The following OXSR1 variants were observed in gnomAD, a reference collection of about 807,000 sequenced individuals.
OXSR1 encodes serine/threonine-protein kinase OSR1.
OXSR1 carries 24 observed loss-of-function variants against 79.8 expected under a neutral mutation model. The ratio of observed to expected loss-of-function variants is 0.30; its 90% CI spans 0.22 to 0.42. The LOEUF is 0.42. Ranked by LOEUF, OXSR1 falls within the 10% of genes least tolerant of loss-of-function variation. The pLI is 1.00. For synonymous variants in OXSR1, 226 were observed against 209.2 expected (o/e 1.08, Z -0.69); for missense variants, 430 against 618.4 (o/e 0.70, Z 3.23).
intron 15 of OXSR1, 110 bp downstream of exon 15, chr3:38,250,128 A>C (rs897511807): frequency 7.9e-5 from 62 of 784,782 alleles, no homozygotes; most frequent in South Asian, 3.2e-5. Flanking sequence ...GGATAATAAA[A>C]ATTTTCCTGG....
At chr3:38,180,489 G>A (rs373692468) in intron 1 of OXSR1, among the ~76,000 whole-genome samples, 2 of 148,036 alleles carry the variant, frequency 1.4e-5, no homozygotes, top group Non-Finnish European at 3.0e-5. Context: ...GCATGTGTCC[G>A]TATTTGCTCC....
At chr3:38,210,559 C>T (rs759931140) in intron 4 of OXSR1, among the ~76,000 whole-genome samples, 24 of 152,050 alleles carry the variant, frequency 1.6e-4, no homozygotes, top group Non-Finnish European at 3.1e-4. Context: ...GTGTATGAGT[C>T]TCCCTTAGAC....
chr3:38,174,351 G>A (rs1198188799), intron 1 of OXSR1, among the ~76,000 whole-genome samples: 3 of 152,146 alleles, frequency 2.0e-5, no homozygotes, highest in South Asian at 2.1e-4. Context: ...GGAGGCGGAG[G>A]CAGGTGGATC....
At chr3:38,246,741 A>T (rs1010756217) in intron 13 of OXSR1, among the ~76,000 whole-genome samples, 7 of 151,426 alleles carry the variant, frequency 4.6e-5, no homozygotes, top group African/African-American at 1.7e-4. Flanking sequence ...ATTAAATCAT[A>T]CTTCATTGAG....
chr3:38,250,032 T>G lies in OXSR1; in HGVS notation c.1375+14T>G, dbSNP rs1301394687. 1 of 1,537,902 alleles carries G rather than the reference T, an allele frequency of 6.5e-7. No individual in the cohort carries two copies. Among genetic ancestry groups the G allele is most frequent in the East Asian group, 2.3e-5 (1 of 44,422 alleles). On this transcript the variant is annotated intron_variant, in intron 15 of 17. Transcript: ENST00000311806. Reference sequence around the variant, plus strand: ...CTCCTGGGAGAGGTGAGGCATCAAATGGATTGAAAACAAAATAGCTTCCAA... The same window carrying G: ...CTCCTGGGAGAGGTGAGGCATCAAAGGGATTGAAAACAAAATAGCTTCCAA...
intron 10 of OXSR1, among the ~76,000 whole-genome samples, chr3:38,232,424 C>A (rs1395508905): frequency 6.6e-6 from 1 of 151,596 alleles, no homozygotes; most frequent in Non-Finnish European, 1.5e-5. Flanking sequence ...TATTTCCACC[C>A]TCCTGCCAAA....
In OXSR1 at chr3:38,230,350, AC is replaced by A; in HGVS notation, c.886-14del. The A allele has an allele frequency of 6.5e-7, 1 of 1,544,558 alleles. No individual in the cohort carries two copies. Among genetic ancestry groups the A allele is most frequent in the Non-Finnish European group, 8.9e-7 (1 of 1,125,380 alleles). ...AAAAACTTGTAAGAACAAAATACTT[AC>A]TTTTCCTCTCCAGAATAAAGAATTT... is the stretch of plus-strand genomic sequence containing the variant. On this transcript the variant is annotated splice_polypyrimidine_tract_variant and intron_variant, in intron 9 of 17. Transcript: ENST00000311806.
chr3:38,179,028 CTT>C (rs35570159), intron 1 of OXSR1, among the ~76,000 whole-genome samples: 10 of 103,540 alleles, frequency 9.7e-5, no homozygotes, highest in African/African-American at 7.1e-5. Flanking sequence ...CCACACCTGG[CTT>C]TTTTTTTTTT....
chr3:38,208,618 C>T (rs1048480879), intron 4 of OXSR1, among the ~76,000 whole-genome samples: 5 of 152,098 alleles, frequency 3.3e-5, no homozygotes, highest in Non-Finnish European at 7.4e-5. Flanking sequence ...TGCTGATATT[C>T]TAGGCCGGGC....
At chr3:38,164,578 G>A (rs1329190556), upstream of OXSR1, among the ~76,000 whole-genome samples, 1 of 152,138 alleles carries the variant, frequency 6.6e-6, no homozygotes, top group African/African-American at 2.4e-5. Context: ...TCAGTCTTCA[G>A]CTCGCTAATT....
At chr3:38,210,430 C>T (rs1470804471) in intron 4 of OXSR1, among the ~76,000 whole-genome samples, 1 of 152,070 alleles carries the variant, frequency 6.6e-6, no homozygotes, top group South Asian at 2.1e-4. Context: ...ATGCTTAGGG[C>T]ATATTTCAAA....
At chr3:38,218,583 A>T (rs1702530129) in intron 5 of OXSR1, among the ~76,000 whole-genome samples, 2 of 151,472 alleles carry the variant, frequency 1.3e-5, no homozygotes, top group Non-Finnish European at 3.0e-5. Flanking sequence ...CCAATCCCTT[A>T]TCAGATGTAT....
rs1296428601 is a variant in OXSR1 at position 38,184,908 on chromosome 3, T to C, written c.183+1793T>C. Among the ~76,000 whole-genome samples, 5 of 29,062 alleles carry C rather than the reference T, an allele frequency of 1.7e-4. No homozygotes were observed. In the East Asian group the frequency reaches 4.4e-3, roughly 26 times the overall value. The allele number at this position is 29,062 out of a possible 152,430, so 19.1% of individuals were successfully genotyped here. A position where few individuals can be genotyped will look rare whatever the true frequency, so the allele number is the denominator to read the frequency against. On this transcript the variant is annotated intron_variant, in intron 2 of 17. Coordinates refer to ENST00000311806, the MANE Select transcript of OXSR1 (RefSeq NM_005109.3). Reference sequence around the variant, plus strand: ...CAAAAGTAGAAAGAACATTTCTTTTTTTTTTTTTTTTTTTTTTTTTTTTTT... The same window carrying C: ...CAAAAGTAGAAAGAACATTTCTTTTCTTTTTTTTTTTTTTTTTTTTTTTTT...
chr3:38,181,586 G>A (rs575795610), intron 1 of OXSR1, among the ~76,000 whole-genome samples: 1 of 152,240 alleles, frequency 6.6e-6, no homozygotes, highest in South Asian at 2.1e-4. Flanking sequence ...GCGATCTCCT[G>A]ACCTCGTGAT....
chr3:38,247,542 T>C, intron 13 of OXSR1, 126 bp from the exon 14 acceptor site: 1 of 627,516 alleles, frequency 1.6e-6, no homozygotes, highest in Non-Finnish European at 2.9e-6. Flanking sequence ...TCCTGGGGAT[T>C]AGTATGACCT....
At chr3:38,199,459 C>G (rs759773475) in intron 4 of OXSR1, among the ~76,000 whole-genome samples, 4 of 152,014 alleles carry the variant, frequency 2.6e-5, no homozygotes, top group Non-Finnish European at 4.4e-5. Context: ...AACTCCTGGC[C>G]TCAAAGCGAT....
chr3:38,199,814 C>T (rs991975524), intron 4 of OXSR1, among the ~76,000 whole-genome samples: 1 of 152,070 alleles, frequency 6.6e-6, no homozygotes, highest in African/African-American at 2.4e-5. Flanking sequence ...GTGGAGAATA[C>T]GTGGTAGATG....
chr3:38,210,937 A>G (rs1190609843), intron 4 of OXSR1, among the ~76,000 whole-genome samples: 1 of 152,194 alleles, frequency 6.6e-6, no homozygotes, highest in Non-Finnish European at 1.5e-5. Context: ...TGTCCTGTTT[A>G]TTAACAAGAT....
chr3:38,171,478 ATTTATTTGAACTGTAACATG>A (rs1489366549), intron 1 of OXSR1, among the ~76,000 whole-genome samples: 2 of 152,166 alleles, frequency 1.3e-5, no homozygotes, highest in Admixed American at 1.3e-4. Context: ...AAACACGTAC[ATTTATTTGAACTGTAACATG>A]TTTATTTGAA....
Sources: allele counts gnomAD v4.1 joint callset (sites outside exome capture counted in the v4.1 genomes callset), GRCh38; gene constraint gnomAD v4.1.1; transcripts MANE v1.5; gene names NCBI Gene and HGNC (gene_info 2026-07-23, HGNC 2026-07-21).